The following MYL3 variants were observed in gnomAD, a reference collection of about 807,000 sequenced individuals.
The protein encoded by MYL3 is myosin light chain 3.
In MYL3, 11 loss-of-function variants were observed where a neutral mutation model predicts 21.3. The ratio of observed to expected loss-of-function variants is 0.52; its 90% CI spans 0.32 to 0.85. MYL3 has a LOEUF of 0.85. Ranked by LOEUF, MYL3 falls within the 40% of genes least tolerant of loss-of-function variation. The pLI is 0.03. For missense variants in MYL3, 206 were observed against 253.3 expected, an observed-to-expected ratio of 0.81 and a Z score of 1.27; for synonymous variants, 88 against 91.6, an observed-to-expected ratio of 0.96 and a Z score of 0.22.
In MYL3 at chr3:46,859,668, G is replaced by C. The variant is rs1701969696; in HGVS notation, c.308-20C>G. Reference sequence around the variant, plus strand: ...TGAGCTCTGCAGAGAAATGGTCCCAGGTTCCAGGGTCTAAGGCTGGGGTGG... The same window carrying C: ...TGAGCTCTGCAGAGAAATGGTCCCACGTTCCAGGGTCTAAGGCTGGGGTGG... On this transcript the variant is annotated intron_variant, in intron 3 of 6. Transcript: ENST00000292327. The surrounding 1 kb of genome is among the most constrained non-coding windows in gnomAD (Gnocchi z 4.1). 6.2e-7 allele frequency: 1 copy of C among 1,614,026 alleles called. No homozygotes were observed. The highest frequency in any genetic ancestry group is 8.5e-7 in the Non-Finnish European group (1 of 1,179,990).
upstream of MYL3, among the ~76,000 whole-genome samples, chr3:46,866,848 A>G (rs1334079099): frequency 1.3e-5 from 2 of 152,110 alleles, no homozygotes; most frequent in Non-Finnish European, 2.9e-5. Flanking sequence ...ACCCCAATTC[A>G]GGCGTGCTCT....
chr3:46,881,505 G>A (rs2030562547), intron 1 of MYL3, among the ~76,000 whole-genome samples: 1 of 152,154 alleles, frequency 6.6e-6, no homozygotes, highest in African/African-American at 2.4e-5. Context: ...CCCAGGTCTG[G>A]CAGCCTCGAG....
chr3:46,866,417 G>C (rs964012156), upstream of MYL3: 1 of 152,274 alleles, frequency 6.6e-6, no homozygotes, highest in African/African-American at 2.4e-5. Context: ...CAAGGAGAAT[G>C]CGGGGAAGAT....
In MYL3 at chr3:46,859,247, C is replaced by T. The variant is rs2106906715; in HGVS notation, c.481+228G>A. On this transcript the variant is annotated intron_variant, in intron 4 of 6. Transcript: ENST00000292327. This position sits in a 1 kb window ranked among gnomAD's most constrained non-coding sequence, Gnocchi z 4.1. ...GGGAGCATATCAAGACGGCTCCTTC[C>T]TGCCCTGCTCTGTCCCCAGAGCTGA... is the stretch of plus-strand genomic sequence containing the variant. 6.6e-6 allele frequency among the ~76,000 whole-genome samples: 1 copy of T among 152,280 alleles called. No homozygotes were observed. The highest frequency in any genetic ancestry group is 2.4e-5 in the African/African-American group (1 of 41,548).
rs1469032069 is a variant in MYL3 at position 46,870,410 on chromosome 3, GA to G, written c.-217-3811del. On this transcript the variant is annotated intron_variant, in intron 1 of 3. Coordinates refer to the MYL3 transcript ENST00000431168. ...GTGACAAGAAGGCCACAGTGGTGGTGACAGTGAAGAGGGAGTGCTGGCTGGG... is the reference window on the plus strand; with the variant it reads ...GTGACAAGAAGGCCACAGTGGTGGTGCAGTGAAGAGGGAGTGCTGGCTGGG... 2.6e-5 allele frequency among the ~76,000 whole-genome samples: 4 copies of G among 151,836 alleles called. No individual in the cohort carries two copies. In the East Asian group the frequency reaches 5.8e-4, roughly 22 times the overall value.
intron 1 of MYL3, among the ~76,000 whole-genome samples, chr3:46,878,577 T>C (rs2030371856): frequency 6.6e-6 from 1 of 152,156 alleles, no homozygotes; most frequent in Non-Finnish European, 1.5e-5. Context: ...CAGAAATAGA[T>C]GTGAGCCATT....
At chr3:46,869,698 G>C (rs914745136) in intron 1 of MYL3, among the ~76,000 whole-genome samples, 1 of 152,214 alleles carries the variant, frequency 6.6e-6, no homozygotes, top group Non-Finnish European at 1.5e-5. Context: ...GCATGTCTGC[G>C]TGCTCCTGGC....
chr3:46,862,032 G>A (rs566069872), intron 1 of MYL3, among the ~76,000 whole-genome samples: 21 of 152,306 alleles, frequency 1.4e-4, no homozygotes, highest in African/African-American at 4.8e-4. Flanking sequence ...CTGAGATTAG[G>A]GTCTCTGGGC....
upstream of MYL3, among the ~76,000 whole-genome samples, chr3:46,865,079 G>A (rs911223102): frequency 6.6e-6 from 1 of 152,166 alleles, no homozygotes; most frequent in African/African-American, 2.4e-5. The surrounding 1 kb of genome is among the most constrained non-coding windows in gnomAD (Gnocchi z 4.3). Flanking sequence ...GAGGTGCTGT[G>A]GGGCCCAGGG....
chr3:46,867,107 T>C (rs148290776), upstream of MYL3, among the ~76,000 whole-genome samples: 2 of 151,678 alleles, frequency 1.3e-5, no homozygotes, highest in East Asian at 3.9e-4. Flanking sequence ...TAGACCCCAC[T>C]GTGGAGACCT....
chr3:46,869,600 C>T (rs990385657), intron 1 of MYL3, among the ~76,000 whole-genome samples: 11 of 152,352 alleles, frequency 7.2e-5, no homozygotes, highest in South Asian at 6.2e-4. Context: ...GAGGATGAGG[C>T]CACACGTGTG....
At chr3:46,881,739 G>C (rs2030582259) in intron 1 of MYL3, among the ~76,000 whole-genome samples, 1 of 152,044 alleles carries the variant, frequency 6.6e-6, no homozygotes, top group Non-Finnish European at 1.5e-5. Flanking sequence ...ACGTGGGGGA[G>C]GGCGGCAGCA....
intron 1 of MYL3, among the ~76,000 whole-genome samples, chr3:46,870,262 G>A (rs1480444694): frequency 2.6e-5 from 4 of 152,006 alleles, no homozygotes; most frequent in African/African-American, 9.7e-5. Context: ...ACAAGAAGTG[G>A]GCACCAGACC....
At chr3:46,865,661 T>G (rs895357279), upstream of MYL3, among the ~76,000 whole-genome samples, 1 of 152,124 alleles carries the variant, frequency 6.6e-6, no homozygotes, top group Non-Finnish European at 1.5e-5. This position sits in a 1 kb window ranked among gnomAD's most constrained non-coding sequence, Gnocchi z 4.3. Flanking sequence ...GGTAAGCCAG[T>G]GACAAGAGCA....
intron 4 of MYL3, 87 bp from the exon 5 acceptor site, chr3:46,858,548 C>T (rs1187398177): frequency 7.7e-7 from 1 of 1,291,560 alleles, no homozygotes; most frequent in South Asian, 1.2e-5. Flanking sequence ...TAGATGGTGG[C>T]TCAACCTCTC....
intron 1 of MYL3, among the ~76,000 whole-genome samples, chr3:46,875,968 A>G (rs2030188492): frequency 6.6e-6 from 1 of 152,222 alleles, no homozygotes; most frequent in South Asian, 2.1e-4. Flanking sequence ...CCCGGAGCTG[A>G]GGGCCAGACT....
intron 5 of MYL3, 38 bp downstream of exon 5, chr3:46,858,346 C>A: frequency 6.2e-7 from 1 of 1,614,032 alleles, no homozygotes; most frequent in Non-Finnish European, 8.5e-7. Flanking sequence ...GGTCCCAGCA[C>A]TCCCCTCCCA....
At position 46,860,656 on chromosome 3, in the gene MYL3, C is replaced by T. The variant is rs1701981385; in HGVS notation, c.307+20G>A. On this transcript the variant is annotated intron_variant, in intron 3 of 6. Transcript: ENST00000292327. This position sits in a 1 kb window ranked among gnomAD's most constrained non-coding sequence, Gnocchi z 4.6. ...CTCCCCGGTACTAACACTATGGGGG[C>T]TCTCGGGCAGGTGCACTACCTTCCT... is the stretch of plus-strand genomic sequence containing the variant. The T allele has an allele frequency of 6.2e-7, 1 of 1,612,196 alleles. No individual in the cohort carries two copies. Among genetic ancestry groups the T allele is most frequent in the Non-Finnish European group, 8.5e-7 (1 of 1,179,990 alleles).
At chr3:46,869,044 T>C (rs570176972) in intron 1 of MYL3, among the ~76,000 whole-genome samples, 2 of 151,956 alleles carry the variant, frequency 1.3e-5, no homozygotes, top group East Asian at 3.9e-4. Context: ...TCAGGAGGAA[T>C]GGAGCAAGAT....
Sources: allele counts gnomAD v4.1 joint callset (sites outside exome capture counted in the v4.1 genomes callset), GRCh38; gene constraint gnomAD v4.1.1; non-coding constraint Gnocchi (gnomAD v3.1); transcripts MANE v1.5; gene names NCBI Gene and HGNC (gene_info 2026-07-23, HGNC 2026-07-21).